AGMO: variants seen among roughly 807,000 people sequenced by gnomAD.
The protein encoded by AGMO is glyceryl-ether monooxygenase.
AGMO carries 75 observed loss-of-function variants against 60.2 expected under a neutral mutation model. The observed-to-expected ratio is 1.25, with a 90% confidence interval of 1.03 to 1.51. The LOEUF (loss-of-function observed/expected upper bound fraction) is 1.51, where lower values mean the gene tolerates loss of function less well. Among genes scored for constraint, AGMO ranks in the 40% most tolerant of loss-of-function variants. The pLI, the probability that AGMO is intolerant of heterozygous loss-of-function variation, is 0.00. For missense variants in AGMO, 763 were observed against 525.5 expected, an observed-to-expected ratio of 1.45 and a Z score of -4.42; for synonymous variants, 261 against 177.1, an observed-to-expected ratio of 1.47 and a Z score of -3.76.
At chr7:15,426,245 T>C (rs1781057771) in intron 4 of AGMO, among the ~76,000 whole-genome samples, 1 of 152,216 alleles carries the variant, frequency 6.6e-6, no homozygotes, top group African/African-American at 2.4e-5. Flanking sequence ...CTATAATACT[T>C]TCTATTTCAT....
chr7:15,343,413 A>G (rs930427156), intron 12 of AGMO, among the ~76,000 whole-genome samples: 10 of 152,224 alleles, frequency 6.6e-5, no homozygotes, highest in African/African-American at 2.4e-4. Context: ...GATACGAAAT[A>G]TAAGGCAGAC....
intron 12 of AGMO, among the ~76,000 whole-genome samples, chr7:15,270,050 T>C (rs1193667099): frequency 6.6e-6 from 1 of 152,126 alleles, no homozygotes; most frequent in Non-Finnish European, 1.5e-5. Flanking sequence ...TTTATTAGTG[T>C]AACTAATGCC....
chr7:15,358,283 G>C (rs536483866), intron 12 of AGMO: 10 of 369,970 alleles, frequency 2.7e-5, no homozygotes, highest in African/African-American at 2.1e-4. Context: ...TTGCTGCTTT[G>C]AGTATTGGTT....
chr7:15,465,088 G>C (rs192346652), intron 3 of AGMO, among the ~76,000 whole-genome samples: 22 of 152,166 alleles, frequency 1.4e-4, no homozygotes, highest in Non-Finnish European at 2.4e-4. Context: ...AGTAGTAAGA[G>C]GACCTCAGAA....
At chr7:15,546,729 T>G (rs1173596163) in intron 2 of AGMO, among the ~76,000 whole-genome samples, 1 of 152,232 alleles carries the variant, frequency 6.6e-6, no homozygotes, top group Non-Finnish European at 1.5e-5. Flanking sequence ...AAATGAACAC[T>G]TAAAACCTGC....
chr7:15,323,553 ACTG>A (rs1482123877), intron 12 of AGMO, among the ~76,000 whole-genome samples: 2 of 152,272 alleles, frequency 1.3e-5, no homozygotes, highest in East Asian at 3.9e-4. Context: ...GCTACAGAAG[ACTG>A]CTAAAATTTT....
At chr7:15,433,241 C>T (rs1781305416) in intron 3 of AGMO, among the ~76,000 whole-genome samples, 1 of 152,030 alleles carries the variant, frequency 6.6e-6, no homozygotes, top group South Asian at 2.1e-4. Flanking sequence ...ATACCCTCTA[C>T]AGAAGCTAAA....
At chr7:15,118,631 T>G in the AGMO span, among the ~76,000 whole-genome samples, 1 of 152,108 alleles carries the variant, frequency 6.6e-6, no homozygotes, top group South Asian at 2.1e-4. Context: ...ACACTTTTCA[T>G]AGTTATGAAA....
At chr7:15,432,095 G>A (rs1444729164) in intron 3 of AGMO, among the ~76,000 whole-genome samples, 3 of 151,422 alleles carry the variant, frequency 2.0e-5, no homozygotes, top group East Asian at 3.9e-4. Flanking sequence ...TACAAATCCA[G>A]GAAATGGAAT....
chr7:15,391,028 G>T, intron 6 of AGMO, 123 bp from the exon 7 acceptor site: 1 of 588,536 alleles, frequency 1.7e-6, no homozygotes, highest in Non-Finnish European at 2.9e-6. Context: ...AATTTCCCTG[G>T]GAATGTCTTC....
intron 12 of AGMO, among the ~76,000 whole-genome samples, chr7:15,339,844 G>A (rs1167987211): frequency 6.6e-6 from 1 of 152,136 alleles, no homozygotes; most frequent in African/African-American, 2.4e-5. Flanking sequence ...TTTAAATCAA[G>A]TATCAATCGT....
chr7:15,371,402 T>TTC (rs1783207685), intron 10 of AGMO, among the ~76,000 whole-genome samples: 1 of 151,840 alleles, frequency 6.6e-6, no homozygotes, highest in Non-Finnish European at 1.5e-5. Context: ...TTTTTTTTTT[T>TTC]TCTTCGAGAC....
At chr7:15,146,945 AT>A in the AGMO span, among the ~76,000 whole-genome samples, 1 of 152,194 alleles carries the variant, frequency 6.6e-6, no homozygotes, top group Non-Finnish European at 1.5e-5. Context: ...TAACATATGT[AT>A]TTTTTATAAC....
intron 12 of AGMO, among the ~76,000 whole-genome samples, chr7:15,283,752 T>C (rs137935135): frequency 3.0e-4 from 46 of 151,992 alleles, no homozygotes; most frequent in African/African-American, 1.1e-3. Flanking sequence ...TTACAGAAAA[T>C]TCTACCCAAC....
downstream of AGMO, among the ~76,000 whole-genome samples, chr7:15,200,097 G>C (rs1376543699): frequency 1.3e-5 from 2 of 151,720 alleles, no homozygotes; most frequent in African/African-American, 4.8e-5. Context: ...GTTTTTTTTA[G>C]TACATGTGTC....
intron 5 of AGMO, among the ~76,000 whole-genome samples, chr7:15,408,699 G>C (rs1776085817): frequency 6.6e-6 from 1 of 151,908 alleles, no homozygotes; most frequent in African/African-American, 2.4e-5. Context: ...TGTTTACCAG[G>C]CTTTGAATCA....
chr7:15,531,334 T>C (rs796451350), intron 3 of AGMO, among the ~76,000 whole-genome samples: 1 of 92,260 alleles, frequency 1.1e-5, no homozygotes, highest in African/African-American at 5.2e-5. Flanking sequence ...TCTATATATA[T>C]TCTATATATA....
intron 12 of AGMO, among the ~76,000 whole-genome samples, chr7:15,266,770 T>C (rs1783444827): frequency 6.6e-6 from 1 of 151,720 alleles, no homozygotes; most frequent in South Asian, 2.1e-4. Context: ...TTTGCCTCAC[T>C]TATGTTTAAG....
chr7:15,233,427 G>A (rs1782317809), intron 12 of AGMO, among the ~76,000 whole-genome samples: 1 of 152,066 alleles, frequency 6.6e-6, no homozygotes, highest in Non-Finnish European at 1.5e-5. Context: ...CCCTCTCCAG[G>A]GAGACTGAGG....
Sources: gnomAD v4.1 joint callset for allele counts (sites outside exome capture counted in the v4.1 genomes callset) on GRCh38, gnomAD v4.1.1 for gene constraint, MANE v1.5 for transcripts, NCBI Gene and HGNC (gene_info 2026-07-23, HGNC 2026-07-21) for gene names.